DMC1: variants seen among roughly 807,000 people sequenced by gnomAD.
DMC1 encodes the protein DNA meiotic recombinase 1.
A neutral mutation model predicts 50.1 loss-of-function variants in DMC1; 27 were observed. The ratio of observed to expected loss-of-function variants is 0.54; its 90% CI spans 0.40 to 0.74. The LOEUF (loss-of-function observed/expected upper bound fraction) is 0.74. Among genes scored for constraint, DMC1 ranks in the 30% least tolerant of loss-of-function variants. DMC1 has a pLI of 0.00. For missense variants in DMC1, 295 were observed against 420.2 expected, an observed-to-expected ratio of 0.70 and a Z score of 2.60; for synonymous variants, 148 against 136.1, an observed-to-expected ratio of 1.09 and a Z score of -0.61.
Position 38,542,993 on chromosome 22 carries a change from A to G in DMC1, c.495-3581T>C, listed in dbSNP as rs368611373. On this transcript the variant is annotated intron_variant, in intron 8 of 13. Transcript: ENST00000216024. ...CAGTAAATGGTGCTGGGAAAATGGG[A>G]TATCCATAAGCAGAAGAATGAAATT... Among the ~76,000 whole-genome samples the G allele has an allele frequency of 4.7e-4, 71 of 152,290 alleles. No homozygotes were observed. The South Asian group carries it at 0.014, about 31-fold the overall frequency.
chr22:38,515,215 C>T (rs369864395), downstream of DMC1, among the ~76,000 whole-genome samples: 126 of 150,822 alleles, frequency 8.4e-4, no homozygotes, highest in African/African-American at 3.0e-3. Context: ...CAGTGGCTCA[C>T]GCCTGTAATC....
intron 12 of DMC1, among the ~76,000 whole-genome samples, chr22:38,527,516 CTTT>C (rs891065117): frequency 7.9e-5 from 10 of 127,264 alleles, no homozygotes; most frequent in Non-Finnish European, 1.0e-4. Flanking sequence ...CCTTTTTCTC[CTTT>C]TTTTTTTTTT....
At chr22:38,515,873 G>A (rs1438926599), downstream of DMC1, among the ~76,000 whole-genome samples, 2 of 152,126 alleles carry the variant, frequency 1.3e-5, no homozygotes, top group Non-Finnish European at 2.9e-5. Context: ...TCTTTCTTGG[G>A]TGAGGTCCAA....
At chr22:38,566,079 A>G (rs1344615670) in intron 4 of DMC1, among the ~76,000 whole-genome samples, 2 of 152,184 alleles carry the variant, frequency 1.3e-5, no homozygotes, top group Non-Finnish European at 2.9e-5. Flanking sequence ...AATTGAGACC[A>G]TCTTGGCCAA....
downstream of DMC1, among the ~76,000 whole-genome samples, chr22:38,516,666 G>A (rs2089978780): frequency 1.3e-5 from 2 of 152,100 alleles, no homozygotes; most frequent in Non-Finnish European, 2.9e-5. Flanking sequence ...CCTAAAGAGG[G>A]GGTCACCACA....
intron 5 of DMC1, among the ~76,000 whole-genome samples, chr22:38,556,011 T>C (rs1475588115): frequency 2.6e-5 from 4 of 152,058 alleles, no homozygotes; most frequent in African/African-American, 4.8e-5. Context: ...TTTGTATTTT[T>C]AGTAGAAATG....
Position 38,519,941 on chromosome 22 carries a change from A to G in DMC1, c.*79T>C, listed in dbSNP as rs2090005554. The stretch of plus-strand genomic sequence containing the variant: ...CATGTGGGAAAAAACCTCTATTTCA[A>G]GATGTGAAATTGGAGACTGCTTTTC... On this transcript the variant is annotated 3_prime_UTR_variant, in exon 14 of 14. Coordinates refer to ENST00000216024, the MANE Select transcript of DMC1 (RefSeq NM_007068.4). 4.3e-6 allele frequency: 5 copies of G among 1,169,084 alleles called. No homozygotes were observed. Among genetic ancestry groups the G allele is most frequent in the Non-Finnish European group, 6.4e-6 (5 of 778,304 alleles). 72.4% of individuals were successfully genotyped at this position (1,169,084 alleles called of 1,614,324 possible).
chr22:38,513,390 G>C, the DMC1 span, among the ~76,000 whole-genome samples: 1 of 152,184 alleles, frequency 6.6e-6, no homozygotes, highest in East Asian at 1.9e-4. Flanking sequence ...AAGAAAACAA[G>C]TGTTATTATG....
chr22:38,548,436 G>A (rs866490251), intron 8 of DMC1, among the ~76,000 whole-genome samples: 1 of 152,162 alleles, frequency 6.6e-6, no homozygotes, highest in African/African-American at 2.4e-5. Flanking sequence ...TTAGCCAGGC[G>A]TGGTGGTATG....
downstream of DMC1, among the ~76,000 whole-genome samples, chr22:38,514,246 C>CT (rs142872124): frequency 0.013 from 931 of 71,348 alleles, 80 homozygotes; most frequent in Non-Finnish European, 0.016. Context: ...GTTAGGTATT[C>CT]TTTTTTTTTT....
At chr22:38,544,211 G>C (rs1254798948) in intron 8 of DMC1, among the ~76,000 whole-genome samples, 1 of 152,168 alleles carries the variant, frequency 6.6e-6, no homozygotes, top group East Asian at 1.9e-4. Flanking sequence ...AAAGAAGTGT[G>C]AAAGGAAAAT....
In DMC1 at chr22:38,521,625, A is replaced by C. The variant is rs1229311416; in HGVS notation, c.936T>G (p.Ile312Met). Residue 312 changes from isoleucine (I) to methionine (M), a missense_variant, in exon 13 of 14, where the codon ATT (isoleucine) becomes ATG (methionine). Physicochemically the swap from Ile to Met is conservative, Grantham distance 10. Transcript: ENST00000216024. ...SLRKGRGELR[I>M]AKIYDSPEMP... ...AAATTTACCTGTCATAAATCTTGGC[A>C]ATTCTGAGCTCTCCTCTTCCCTTTC... 6.8e-6 allele frequency: 11 copies of C among 1,612,362 alleles called. No homozygotes were observed. Among genetic ancestry groups the C allele is most frequent in the African/African-American group, 1.3e-5 (1 of 74,742 alleles).
At chr22:38,536,970 C>T (rs1456712189) in intron 12 of DMC1, among the ~76,000 whole-genome samples, 3 of 152,076 alleles carry the variant, frequency 2.0e-5, no homozygotes, top group African/African-American at 7.2e-5. Context: ...CCCACCTCAG[C>T]CTCCCGAATA....
At chr22:38,550,324 T>TC (rs1698800769) in intron 7 of DMC1, among the ~76,000 whole-genome samples, 1 of 149,356 alleles carries the variant, frequency 6.7e-6, no homozygotes, top group African/African-American at 2.4e-5. Flanking sequence ...TTTCTTTTTT[T>TC]TTTTTTTTTG....
intron 7 of DMC1, among the ~76,000 whole-genome samples, chr22:38,551,690 C>T (rs2090412776): frequency 6.6e-6 from 1 of 151,988 alleles, no homozygotes; most frequent in African/African-American, 2.4e-5. Context: ...CAGGTACATA[C>T]ATTATTTCAT....
intron 6 of DMC1, among the ~76,000 whole-genome samples, chr22:38,553,651 C>T (rs990858039): frequency 6.6e-6 from 1 of 151,520 alleles, no homozygotes; most frequent in Admixed American, 6.6e-5. Context: ...TGGTGAAACC[C>T]CATCTCTACC....
chr22:38,537,282 C>T (rs1045147020), intron 12 of DMC1, among the ~76,000 whole-genome samples: 5 of 151,336 alleles, frequency 3.3e-5, no homozygotes, highest in Admixed American at 6.6e-5. Flanking sequence ...GGCGCGATCT[C>T]GGCTTACTAC....
intron 7 of DMC1, 93 bp downstream of exon 7, chr22:38,552,573 A>G (rs891716258): frequency 1.0e-6 from 1 of 961,098 alleles, no homozygotes; most frequent in East Asian, 2.4e-5. Context: ...AAGTATGTTC[A>G]GATATGAGAT....
intron 5 of DMC1, among the ~76,000 whole-genome samples, chr22:38,561,178 A>AT (rs75412644): frequency 0.029 from 4,076 of 141,684 alleles, 67 homozygotes; most frequent in African/African-American, 0.048. Context: ...CAGCTAATTA[A>AT]TTTTTTTTTT....
Sources: gnomAD v4.1 joint callset for allele counts (sites outside exome capture counted in the v4.1 genomes callset) on GRCh38, gnomAD v4.1.1 for gene constraint, MANE v1.5 for transcripts, NCBI Gene and HGNC (gene_info 2026-07-23, HGNC 2026-07-21) for gene names.